The following CNTNAP5 variants were observed in gnomAD, a reference collection of about 807,000 sequenced individuals.
The protein encoded by CNTNAP5 is contactin associated protein family member 5.
In CNTNAP5, 72 loss-of-function variants were observed where a neutral mutation model predicts 150.2. The observed-to-expected ratio is 0.48, with a 90% CI of 0.40 to 0.58. The LOEUF (loss-of-function observed/expected upper bound fraction) is 0.58. Among genes scored for constraint, CNTNAP5 ranks in the 20% least tolerant of loss-of-function variants. The probability of loss-of-function intolerance (pLI) is 0.00; values close to 1 mark genes in which losing one functional copy is unlikely to be tolerated. For missense variants in CNTNAP5, 1,636 were observed against 1,626.2 expected, an observed-to-expected ratio of 1.01 and a Z score of -0.10; for synonymous variants, 672 against 619.8, an observed-to-expected ratio of 1.08 and a Z score of -1.25.
intron 3 of CNTNAP5, among the ~76,000 whole-genome samples, chr2:124,315,357 T>A (rs1423161983): frequency 6.6e-6 from 1 of 152,090 alleles, no homozygotes; most frequent in Non-Finnish European, 1.5e-5. Context: ...ATATAATATG[T>A]AAAATTTGAA....
intron 13 of CNTNAP5, among the ~76,000 whole-genome samples, chr2:124,741,478 T>C (rs562943990): frequency 1.3e-5 from 2 of 152,324 alleles, no homozygotes; most frequent in East Asian, 1.9e-4. Context: ...GATTAAGCCA[T>C]ACAATTGTGC....
At chr2:124,136,321 G>A (rs1683970916) in intron 1 of CNTNAP5, among the ~76,000 whole-genome samples, 1 of 152,112 alleles carries the variant, frequency 6.6e-6, no homozygotes, top group African/African-American at 2.4e-5. Flanking sequence ...AACAATAGAG[G>A]GGAGAAGTGA....
At chr2:124,119,207 G>A (rs890424167) in intron 1 of CNTNAP5, among the ~76,000 whole-genome samples, 12 of 152,040 alleles carry the variant, frequency 7.9e-5, no homozygotes, top group African/African-American at 1.9e-4. Flanking sequence ...CTCTCATCGC[G>A]TCACTGCTTC....
intron 19 of CNTNAP5, among the ~76,000 whole-genome samples, chr2:124,803,182 A>G (rs977744565): frequency 3.3e-5 from 5 of 151,988 alleles, no homozygotes; most frequent in South Asian, 2.1e-4. Context: ...CATCGATGCT[A>G]GGTAGAAGTC....
At chr2:124,732,380 A>G (rs1172887242) in intron 13 of CNTNAP5, among the ~76,000 whole-genome samples, 1 of 152,164 alleles carries the variant, frequency 6.6e-6, no homozygotes, top group African/African-American at 2.4e-5. Context: ...ATTGAAACGT[A>G]ATCACCAGTG....
chr2:124,736,257 C>CA (rs1006468619), intron 13 of CNTNAP5, among the ~76,000 whole-genome samples: 36 of 152,136 alleles, frequency 2.4e-4, no homozygotes, highest in African/African-American at 8.7e-4. Context: ...CAAAACAAAA[C>CA]AAAAAATGAC....
chr2:124,169,131 G>C (rs755206175), intron 1 of CNTNAP5, among the ~76,000 whole-genome samples: 6 of 151,644 alleles, frequency 4.0e-5, no homozygotes, highest in Admixed American at 2.6e-4. Context: ...CTTTCCCACT[G>C]GACTGGATCT....
intron 8 of CNTNAP5, 146 bp downstream of exon 8, chr2:124,504,702 C>T (rs928525093): frequency 1.8e-6 from 1 of 557,784 alleles, no homozygotes; most frequent in Non-Finnish European, 2.9e-6. Flanking sequence ...GAAGAGGCAG[C>T]ATTTTTTTTT....
At chr2:124,473,336 TA>T (rs1693563210) in intron 6 of CNTNAP5, among the ~76,000 whole-genome samples, 1 of 151,906 alleles carries the variant, frequency 6.6e-6, no homozygotes, top group Admixed American at 6.6e-5. Context: ...AAATTATCAA[TA>T]AAAATTCTAA....
At chr2:124,703,418 A>G (rs548739493) in intron 13 of CNTNAP5, among the ~76,000 whole-genome samples, 14 of 152,290 alleles carry the variant, frequency 9.2e-5, no homozygotes, top group African/African-American at 3.4e-4. Context: ...CTCAGCTTGC[A>G]TATCTTCTAC....
At chr2:124,049,362 G>A (rs1218031115) in intron 1 of CNTNAP5, among the ~76,000 whole-genome samples, 1 of 152,168 alleles carries the variant, frequency 6.6e-6, no homozygotes, top group Non-Finnish European at 1.5e-5. Flanking sequence ...ATGCAGAGGT[G>A]GCAGTAGTTC....
At chr2:124,526,996 G>A (rs759304415) in intron 9 of CNTNAP5, among the ~76,000 whole-genome samples, 1 of 152,134 alleles carries the variant, frequency 6.6e-6, no homozygotes, top group Non-Finnish European at 1.5e-5. Flanking sequence ...TAAAAGAATA[G>A]CAAATAGTTT....
intron 1 of CNTNAP5, among the ~76,000 whole-genome samples, chr2:124,052,606 G>A (rs1441796503): frequency 1.3e-5 from 2 of 152,158 alleles, no homozygotes; most frequent in African/African-American, 4.8e-5. Flanking sequence ...CTTTCTTGAG[G>A]GGGTGGAGAT....
chr2:124,698,375 T>TACACACAC (rs59897587), intron 13 of CNTNAP5, among the ~76,000 whole-genome samples: 8,973 of 147,338 alleles, frequency 0.061, 330 homozygotes, highest in Non-Finnish European at 0.08. Flanking sequence ...GACGAGAGGA[T>TACACACAC]ACACACACAC....
chr2:124,182,416 C>T (rs545922608), intron 1 of CNTNAP5, among the ~76,000 whole-genome samples: 1 of 152,080 alleles, frequency 6.6e-6, no homozygotes, highest in Non-Finnish European at 1.5e-5. Flanking sequence ...CCCAATTTTA[C>T]GGATGACAAA....
At chr2:124,484,561 A>G (rs189558171) in intron 7 of CNTNAP5, among the ~76,000 whole-genome samples, 2 of 152,376 alleles carry the variant, frequency 1.3e-5, no homozygotes, top group African/African-American at 4.8e-5. Flanking sequence ...CTAGGATATT[A>G]TAGGCATTGA....
intron 19 of CNTNAP5, among the ~76,000 whole-genome samples, chr2:124,812,434 G>A (rs1431734214): frequency 6.6e-6 from 1 of 151,668 alleles, no homozygotes; most frequent in Non-Finnish European, 1.5e-5. Flanking sequence ...AACTGGTTTA[G>A]GCCATGACAG....
intron 3 of CNTNAP5, among the ~76,000 whole-genome samples, chr2:124,294,796 A>G (rs1021063032): frequency 4.6e-5 from 7 of 152,246 alleles, no homozygotes; most frequent in African/African-American, 1.7e-4. Flanking sequence ...ATTACTCAGT[A>G]TAATGCATCC....
At chr2:124,436,420 A>G (rs1692533133) in intron 5 of CNTNAP5, among the ~76,000 whole-genome samples, 1 of 151,996 alleles carries the variant, frequency 6.6e-6, no homozygotes, top group African/African-American at 2.4e-5. Context: ...TTATTATGTG[A>G]TTTATTATGG....
Sources: gnomAD v4.1 joint callset for allele counts (sites outside exome capture counted in the v4.1 genomes callset) on GRCh38, gnomAD v4.1.1 for gene constraint, MANE v1.5 for transcripts, NCBI Gene and HGNC (gene_info 2026-07-23, HGNC 2026-07-21) for gene names.